Variants in CPHXL2 observed in about 807,000 individuals in gnomAD.
CPHXL2 encodes cytoplasmic polyadenylated homeobox-like protein 2.
chr16:75,671,855 C>G, the CPHXL2 span, among the ~76,000 whole-genome samples: 1 of 152,274 alleles, frequency 6.6e-6, no homozygotes, highest in Admixed American at 6.5e-5. Flanking sequence ...CAAGGTGAGA[C>G]AGTAAATGGA....
the CPHXL2 span, among the ~76,000 whole-genome samples, chr16:75,670,471 G>T: frequency 2.0e-5 from 3 of 152,124 alleles, no homozygotes; most frequent in Non-Finnish European, 4.4e-5. Flanking sequence ...GTAAATATTT[G>T]CTATTTTTGG....
the CPHXL2 span, among the ~76,000 whole-genome samples, chr16:75,667,957 A>C: frequency 6.6e-6 from 1 of 152,148 alleles, no homozygotes; most frequent in African/African-American, 2.4e-5. Flanking sequence ...ACACATAGTA[A>C]ACTTTGTCAG....
At chr16:75,667,593 G>A in the CPHXL2 span, among the ~76,000 whole-genome samples, 1 of 152,150 alleles carries the variant, frequency 6.6e-6, no homozygotes, top group Non-Finnish European at 1.5e-5. Flanking sequence ...TCAGAAAAAT[G>A]TCCACAAATA....
At chr16:75,668,197 TTCTC>T in the CPHXL2 span, among the ~76,000 whole-genome samples, 16 of 143,560 alleles carry the variant, frequency 1.1e-4, no homozygotes, top group African/African-American at 2.7e-4. Flanking sequence ...TACTGCTTAA[TTCTC>T]TCTCTCTCTC....
At chr16:75,669,721 G>A in the CPHXL2 span, among the ~76,000 whole-genome samples, 5 of 152,198 alleles carry the variant, frequency 3.3e-5, no homozygotes, top group African/African-American at 4.8e-5. Context: ...GCAGGAATTG[G>A]CTAACTCTAG....
chr16:75,667,776 A>T, the CPHXL2 span, among the ~76,000 whole-genome samples: 1 of 152,204 alleles, frequency 6.6e-6, no homozygotes, highest in African/African-American at 2.4e-5. Context: ...TTCCACTTGT[A>T]TATTTATCTG....
At chr16:75,670,455 A>T in the CPHXL2 span, among the ~76,000 whole-genome samples, 1 of 152,152 alleles carries the variant, frequency 6.6e-6, no homozygotes. Context: ...GTTAAATTAA[A>T]CATGTGTAAA....
chr16:75,660,241 G>T, the CPHXL2 span: 2 of 398,358 alleles, frequency 5.0e-6, no homozygotes, highest in South Asian at 1.3e-4. Context: ...CTGTGGCTAT[G>T]GTTCTGTGAT....
chr16:75,675,475 C>A, the CPHXL2 span, among the ~76,000 whole-genome samples: 1 of 151,952 alleles, frequency 6.6e-6, no homozygotes, highest in Non-Finnish European at 1.5e-5. Context: ...AAATAATCAT[C>A]TTTTCAACAA....
chr16:75,668,260 G>A, the CPHXL2 span, among the ~76,000 whole-genome samples: 1 of 135,738 alleles, frequency 7.4e-6, no homozygotes, highest in African/African-American at 2.9e-5. Context: ...ACAGAGCCTC[G>A]CTCTGTCACC....
At chr16:75,661,244 C>A in the CPHXL2 span, 2 of 400,730 alleles carry the variant, frequency 5.0e-6, no homozygotes, top group African/African-American at 2.0e-5. Flanking sequence ...TGTTCTGGAA[C>A]CAGTTCTAAA....
chr16:75,663,128 T>C, the CPHXL2 span, among the ~76,000 whole-genome samples: 38 of 152,320 alleles, frequency 2.5e-4, no homozygotes, highest in African/African-American at 9.1e-4. Flanking sequence ...TAGTTCAGGC[T>C]ACAGGGTAAG....
chr16:75,665,818 C>G, the CPHXL2 span, among the ~76,000 whole-genome samples: 2 of 152,084 alleles, frequency 1.3e-5, no homozygotes, highest in African/African-American at 4.8e-5. Context: ...TGAGCCAAGA[C>G]TGCACCACTG....
At chr16:75,660,254 T>C in the CPHXL2 span, 1 of 398,524 alleles carries the variant, frequency 2.5e-6, no homozygotes, top group Non-Finnish European at 4.4e-6. Context: ...TCTGTGATAC[T>C]TAGCAATACT....
At chr16:75,665,674 C>G in the CPHXL2 span, among the ~76,000 whole-genome samples, 1 of 152,164 alleles carries the variant, frequency 6.6e-6, no homozygotes, top group Non-Finnish European at 1.5e-5. Flanking sequence ...ACTAGCCTGG[C>G]CAACATGGCG....
chr16:75,662,355 C>G, the CPHXL2 span, among the ~76,000 whole-genome samples: 1 of 128,390 alleles, frequency 7.8e-6, no homozygotes, highest in Non-Finnish European at 1.6e-5. Flanking sequence ...TTTTTTTTAA[C>G]GGAGGCTTCA....
At chr16:75,667,724 C>A in the CPHXL2 span, among the ~76,000 whole-genome samples, 6 of 152,330 alleles carry the variant, frequency 3.9e-5, no homozygotes, top group South Asian at 1.2e-3. Context: ...AAGTGCCCTC[C>A]CCTGAATTTC....
the CPHXL2 span, among the ~76,000 whole-genome samples, chr16:75,672,550 G>A: frequency 6.6e-6 from 1 of 152,102 alleles, no homozygotes; most frequent in Non-Finnish European, 1.5e-5. Flanking sequence ...GTAGTGCAAT[G>A]GTGCAGTCAT....
chr16:75,670,466 T>C, the CPHXL2 span, among the ~76,000 whole-genome samples: 1 of 152,140 alleles, frequency 6.6e-6, no homozygotes, highest in Non-Finnish European at 1.5e-5. Context: ...CATGTGTAAA[T>C]ATTTGCTATT....
Sources: allele counts gnomAD v4.1 joint callset (sites outside exome capture counted in the v4.1 genomes callset), GRCh38; gene constraint gnomAD v4.1.1; transcripts MANE v1.5; gene names NCBI Gene and HGNC (gene_info 2026-07-23, HGNC 2026-07-21).